AHI1: variants seen among roughly 807,000 people sequenced by gnomAD.
The protein encoded by AHI1 is jouberin.
Under a neutral mutation model 149.3 loss-of-function variants are expected in AHI1, and 123 were observed. The ratio of observed to expected loss-of-function variants is 0.82; its 90% CI spans 0.71 to 0.96. The LOEUF (loss-of-function observed/expected upper bound fraction) is 0.96. Ranked by LOEUF, AHI1 falls within the 40% of genes least tolerant of loss-of-function variation. The pLI is 0.00. For synonymous variants in AHI1, 475 were observed against 459.8 expected, an observed-to-expected ratio of 1.03 and a Z score of -0.42; for missense variants, 1,439 against 1,422.7, an observed-to-expected ratio of 1.01 and a Z score of -0.18.
intron 28 of AHI1, among the ~76,000 whole-genome samples, chr6:135,288,708 T>A (rs1026242009): frequency 2.6e-5 from 4 of 152,190 alleles, no homozygotes; most frequent in Admixed American, 6.5e-5. Flanking sequence ...ATCAACCCTT[T>A]ATTTTAAAAA....
chr6:135,380,223 C>T (rs1182519775), intron 23 of AHI1, among the ~76,000 whole-genome samples: 1 of 151,908 alleles, frequency 6.6e-6, no homozygotes, highest in African/African-American at 2.4e-5. Context: ...ATGGGTTCTG[C>T]ATCCACGCAT....
Position 135,481,915 on chromosome 6 carries a change from CT to C in AHI1, c.135+8707del, listed in dbSNP as rs775563971. 9.3e-5 allele frequency among the ~76,000 whole-genome samples: 14 copies of C among 150,498 alleles called. 1 individual carries two copies. Among genetic ancestry groups the C allele is most frequent in the Non-Finnish European group, 2.1e-4 (14 of 67,606 alleles). On this transcript the variant is annotated intron_variant, in intron 5 of 28. Coordinates refer to ENST00000265602, the MANE Select transcript of AHI1 (RefSeq NM_001134831.2). ...GTATTTTAAAATATTGTTCCATTGT[CT>C]TTTAGCTAGAATAGTTTCTGATGAG...
At chr6:135,367,557 T>G (rs1461956548) in intron 23 of AHI1, among the ~76,000 whole-genome samples, 3 of 152,086 alleles carry the variant, frequency 2.0e-5, no homozygotes, top group African/African-American at 4.8e-5. Flanking sequence ...ATTAAAAAAA[T>G]TTTTTCTTTG....
At chr6:135,313,972 A>G (rs781764122) in intron 26 of AHI1, among the ~76,000 whole-genome samples, 2 of 152,220 alleles carry the variant, frequency 1.3e-5, no homozygotes, top group African/African-American at 4.8e-5. Context: ...GTTTCATAGC[A>G]TCACACAGTT....
intron 24 of AHI1, among the ~76,000 whole-genome samples, chr6:135,340,327 G>A (rs892171783): frequency 1.5e-4 from 22 of 151,638 alleles, no homozygotes; most frequent in Non-Finnish European, 2.5e-4. Flanking sequence ...AGCTGAGATC[G>A]CACCGTGCAC....
chr6:135,392,249 A>G (rs905511238), intron 23 of AHI1, among the ~76,000 whole-genome samples: 2 of 152,210 alleles, frequency 1.3e-5, no homozygotes, highest in African/African-American at 2.4e-5. Context: ...GTCACTTAAA[A>G]TGATTTTAGA....
intron 28 of AHI1, among the ~76,000 whole-genome samples, chr6:135,285,852 G>C: frequency 6.6e-6 from 1 of 152,254 alleles, no homozygotes; most frequent in South Asian, 2.1e-4. Context: ...GCATCTTTTT[G>C]TATCATTAGC....
At chr6:135,480,748 T>G (rs1262467889) in intron 5 of AHI1, among the ~76,000 whole-genome samples, 1 of 152,196 alleles carries the variant, frequency 6.6e-6, no homozygotes, top group Non-Finnish European at 1.5e-5. Context: ...AGACCAGTAC[T>G]GGTCCATGGC....
chr6:135,463,367 T>C (rs1790233013), intron 7 of AHI1, 61 bp from the exon 8 acceptor site: 1 of 1,362,228 alleles, frequency 7.3e-7, no homozygotes, highest in Admixed American at 2.2e-5. Flanking sequence ...TTATTATTCA[T>C]GATGCAACAG....
chr6:135,285,441 T>TAA lies in AHI1; in HGVS notation c.*202_*203dup. The TAA allele has an allele frequency of 1.6e-6, 1 of 621,954 alleles. No homozygotes were observed. Among genetic ancestry groups the TAA allele is most frequent in the South Asian group, 2.0e-5 (1 of 51,148 alleles). The allele number at this position is 621,954 out of a possible 1,614,324, so 38.5% of individuals were successfully genotyped here. On this transcript the variant is annotated 3_prime_UTR_variant, in exon 29 of 29. Coordinates refer to ENST00000265602, the MANE Select transcript of AHI1 (RefSeq NM_001134831.2). ...GACCAACAATAGTCACAATGGTTTATAACAACTGAACTCAAAGGCCACGTT... is the reference window on the plus strand; with the variant it reads ...GACCAACAATAGTCACAATGGTTTATAAAACAACTGAACTCAAAGGCCACGTT...
chr6:135,382,447 C>T (rs561234208), intron 23 of AHI1, among the ~76,000 whole-genome samples: 21 of 152,322 alleles, frequency 1.4e-4, no homozygotes, highest in African/African-American at 4.1e-4. Context: ...TGTTAGTTAA[C>T]ATCTTCAATA....
intron 22 of AHI1, among the ~76,000 whole-genome samples, chr6:135,395,465 G>A (rs1013106099): frequency 6.6e-6 from 1 of 151,860 alleles, no homozygotes; most frequent in Non-Finnish European, 1.5e-5. Flanking sequence ...GAAAATTTCT[G>A]TAAGTAAATA....
intron 28 of AHI1, chr6:135,286,638 C>T (rs1781719776): frequency 2.0e-5 from 3 of 152,200 alleles, no homozygotes; most frequent in Admixed American, 2.0e-4. Flanking sequence ...CTTTAAGGAA[C>T]AGGCCCAATC....
chr6:135,334,085 T>C (rs1214653964), intron 24 of AHI1, among the ~76,000 whole-genome samples: 1 of 152,244 alleles, frequency 6.6e-6, no homozygotes, highest in Non-Finnish European at 1.5e-5. Context: ...AATACTTTTC[T>C]TATTCTTTGA....
intron 25 of AHI1, among the ~76,000 whole-genome samples, chr6:135,322,663 T>G (rs544439128): frequency 6.6e-6 from 1 of 152,344 alleles, no homozygotes; most frequent in East Asian, 1.9e-4. Context: ...TTACATATTT[T>G]CAGCTCTGGC....
At chr6:135,414,300 A>T (rs576317451) in intron 20 of AHI1, among the ~76,000 whole-genome samples, 1 of 152,348 alleles carries the variant, frequency 6.6e-6, no homozygotes, top group East Asian at 1.9e-4. Context: ...AAAGTAACTC[A>T]AAATGAACCA....
At chr6:135,378,466 T>C (rs987633876) in intron 23 of AHI1, among the ~76,000 whole-genome samples, 6 of 152,228 alleles carry the variant, frequency 3.9e-5, no homozygotes, top group Admixed American at 6.5e-5. Context: ...TAATATGGAT[T>C]GAAGTCTGTT....
chr6:135,431,138 T>C, intron 17 of AHI1, 70 bp downstream of exon 17: 1 of 1,035,604 alleles, frequency 9.7e-7, no homozygotes, highest in Non-Finnish European at 1.4e-6. Context: ...ACATCCTATC[T>C]TAAAGTCATG....
intron 24 of AHI1, among the ~76,000 whole-genome samples, chr6:135,353,061 A>T (rs1349144118): frequency 6.6e-6 from 1 of 152,086 alleles, no homozygotes; most frequent in Non-Finnish European, 1.5e-5. Flanking sequence ...CATAAATGCC[A>T]GTGGAGTATG....
Sources: allele counts gnomAD v4.1 joint callset (sites outside exome capture counted in the v4.1 genomes callset), GRCh38; gene constraint gnomAD v4.1.1; transcripts MANE v1.5; gene names NCBI Gene and HGNC (gene_info 2026-07-23, HGNC 2026-07-21).